PCNX2: variants seen among roughly 807,000 people sequenced by gnomAD.
PCNX2 encodes the protein pecanex 2, also known as pecanex-like protein 2.
In PCNX2, 168 loss-of-function variants were observed where a neutral mutation model predicts 223.8. The observed-to-expected ratio is 0.75, with a 90% CI of 0.66 to 0.85. PCNX2 has a LOEUF of 0.85. PCNX2 is among the 40% of genes least tolerant of loss of function. The pLI, the probability that PCNX2 is intolerant of heterozygous loss-of-function variation, is 0.00. For synonymous variants in PCNX2, 1,006 were observed against 1,052.6 expected (o/e 0.96, Z 0.86); for missense variants, 2,507 against 2,675.5 (o/e 0.94, Z 1.39).
At chr1:233,135,532 C>G (rs1238280373) in intron 20 of PCNX2, among the ~76,000 whole-genome samples, 1 of 152,192 alleles carries the variant, frequency 6.6e-6, no homozygotes, top group Non-Finnish European at 1.5e-5. Context: ...CACAGAGCTC[C>G]TTCTGAGCTT....
rs562291928 is a variant in PCNX2 at position 233,167,648 on chromosome 1, A to G, written c.3274-6285T>C. ...CACTATAGTAACCATTTTACTATCTATAGGTACCTCATGACATTGTGTTAT... is the reference window on the plus strand; with the variant it reads ...CACTATAGTAACCATTTTACTATCTGTAGGTACCTCATGACATTGTGTTAT... On this transcript the variant is annotated intron_variant, in intron 17 of 33. Coordinates refer to ENST00000258229, the MANE Select transcript of PCNX2 (RefSeq NM_014801.4). The G allele has an allele frequency of 8.5e-5, 63 of 742,382 alleles. No homozygotes were observed. The African/African-American group carries it at 1.1e-3, about 13-fold the overall frequency. The allele number at this position is 742,382 out of a possible 1,614,324, so 46.0% of individuals were successfully genotyped here. A position where few individuals can be genotyped will look rare whatever the true frequency, so the allele number is the denominator to read the frequency against.
At position 233,139,596 on chromosome 1, in the gene PCNX2, T is replaced by C; in HGVS notation, c.3659+118A>G. 2 of 1,238,972 alleles carry C rather than the reference T, an allele frequency of 1.6e-6. No homozygotes were observed. The highest frequency in any genetic ancestry group is 2.6e-5 in the East Asian group (1 of 39,168). The allele number at this position is 1,238,972 out of a possible 1,614,324, so 76.7% of individuals were successfully genotyped here. ...GTAAAAGACCACCATGGCTTATTTT[T>C]ACATGGCCAATCACAGTCGGTAAAG... is the stretch of plus-strand genomic sequence containing the variant. On this transcript the variant is annotated intron_variant, in intron 20 of 33. Transcript: ENST00000258229. This position sits in a 1 kb window ranked among gnomAD's most constrained non-coding sequence, Gnocchi z 4.4.
In PCNX2 at chr1:233,218,045, A is replaced by G. The variant is rs753475133; in HGVS notation, c.2644T>C (p.Tyr882His). 4 of 1,607,230 alleles carry G rather than the reference A, an allele frequency of 2.5e-6. No individual in the cohort carries two copies. The highest frequency in any genetic ancestry group is 3.4e-6 in the Non-Finnish European group (4 of 1,176,824). The change falls in exon 11 of 34, where the codon TAC becomes CAC. Residue 882 changes from tyrosine to histidine, a missense_variant. Physicochemically the swap from Tyr to His is moderately conservative, Grantham distance 83. Transcript: ENST00000258229. ...LFCLVMASCQ[Y>H]SLLKSVQPDP... is the part of the protein sequence containing the mutation. ...TGTGGTCTTGCCTTTAGCAGGGAGT[A>G]CTGGCAGCTGGCCATGACGAGGCAG...
chr1:232,988,338 A>G (rs1466325565), intron 32 of PCNX2, among the ~76,000 whole-genome samples: 1 of 152,124 alleles, frequency 6.6e-6, no homozygotes, highest in East Asian at 1.9e-4. Context: ...CTGTGTGTCA[A>G]AGGGAAGTGG....
At chr1:232,986,844 G>A (rs1281572101) in intron 32 of PCNX2, among the ~76,000 whole-genome samples, 3 of 152,220 alleles carry the variant, frequency 2.0e-5, no homozygotes, top group African/African-American at 4.8e-5. Flanking sequence ...GACATTCCTG[G>A]TTCTAGCACT....
the PCNX2 span, among the ~76,000 whole-genome samples, chr1:233,324,241 A>T: frequency 6.6e-6 from 1 of 152,236 alleles, no homozygotes; most frequent in Admixed American, 6.5e-5. Flanking sequence ...GTGAAGCAGC[A>T]AGTGCTAATG....
At chr1:233,106,347 CTTTTTTTTTT>C (rs912803573) in intron 21 of PCNX2, among the ~76,000 whole-genome samples, 6 of 115,684 alleles carry the variant, frequency 5.2e-5, no homozygotes, top group African/African-American at 1.7e-4. Flanking sequence ...TCTCCTCCCT[CTTTTTTTTTT>C]TTTTTTTTTT....
chr1:233,227,371 G>A lies in PCNX2; in HGVS notation c.2359C>T (p.His787Tyr). 6.2e-7 allele frequency: 1 copy of A among 1,610,240 alleles called. No individual in the cohort carries two copies. Among genetic ancestry groups the A allele is most frequent in the Non-Finnish European group, 8.5e-7 (1 of 1,178,594 alleles). The change falls in exon 10 of 34, where the codon CAT (histidine) becomes TAT (tyrosine). Residue 787 changes from histidine to tyrosine, a missense_variant and splice_region_variant. By Grantham distance (83) the His-to-Tyr change is moderately conservative. This residue lies in a region of PCNX2 where 1,031 missense variants were observed against 1,021.7 expected (regional missense o/e 1.01). Transcript: ENST00000258229. ...GAGGCTTCCAGATCCTGACTCACAT[G>A]CTTTTAGATACCAAAAGAAACAACA... ...ARRTQSETPR[H>Y]VSQDLEASSC...
intron 15 of PCNX2, among the ~76,000 whole-genome samples, chr1:233,194,358 G>T (rs1680596150): frequency 6.7e-6 from 1 of 150,236 alleles, no homozygotes; most frequent in South Asian, 2.1e-4. Flanking sequence ...GAAAGTTTAT[G>T]ACTAGCAGAC....
intron 28 of PCNX2, among the ~76,000 whole-genome samples, chr1:233,007,837 G>A (rs1310907027): frequency 2.0e-5 from 3 of 151,506 alleles, no homozygotes; most frequent in East Asian, 3.9e-4. Flanking sequence ...CACCATGCCC[G>A]GCTATTTTTT....
intron 23 of PCNX2, among the ~76,000 whole-genome samples, chr1:233,075,696 A>AAC (rs369431993): frequency 0.083 from 11,386 of 137,156 alleles, 447 homozygotes; most frequent in African/African-American, 0.11. Flanking sequence ...GTTAGCTTAA[A>AAC]ACACACACAC....
chr1:233,038,235 TAAG>T (rs1671525319), intron 25 of PCNX2, among the ~76,000 whole-genome samples: 1 of 152,166 alleles, frequency 6.6e-6, no homozygotes, highest in African/African-American at 2.4e-5. Flanking sequence ...TTTAGAAGCA[TAAG>T]AATAAGAAAT....
intron 17 of PCNX2, among the ~76,000 whole-genome samples, chr1:233,168,046 ATC>A (rs1247533779): frequency 2.0e-5 from 3 of 152,148 alleles, no homozygotes; most frequent in Non-Finnish European, 4.4e-5. Flanking sequence ...GAGTTTAAGT[ATC>A]TGTTTCCTTT....
At chr1:232,996,457 G>A (rs369843256) in intron 32 of PCNX2, among the ~76,000 whole-genome samples, 104 of 151,266 alleles carry the variant, frequency 6.9e-4, no homozygotes, top group African/African-American at 2.3e-3. Flanking sequence ...GGAGGCCTGG[G>A]AGCTGCATGG....
chr1:233,212,176 T>C (rs1408883615), intron 12 of PCNX2, among the ~76,000 whole-genome samples: 2 of 152,300 alleles, frequency 1.3e-5, no homozygotes, highest in South Asian at 2.1e-4. Flanking sequence ...TCCCCTTGTA[T>C]GTGGAGCAAG....
chr1:233,194,197 G>A (rs186747970), intron 15 of PCNX2, among the ~76,000 whole-genome samples: 22 of 151,900 alleles, frequency 1.4e-4, no homozygotes, highest in Non-Finnish European at 2.6e-4. Context: ...TTGGAATAAC[G>A]GCAGATTTTT....
At chr1:233,020,336 C>T (rs1670835351) in intron 26 of PCNX2, among the ~76,000 whole-genome samples, 1 of 152,222 alleles carries the variant, frequency 6.6e-6, no homozygotes, top group African/African-American at 2.4e-5. Flanking sequence ...ACTTCTGTCA[C>T]GGAGACACAG....
intron 24 of PCNX2, among the ~76,000 whole-genome samples, chr1:233,055,246 T>C (rs1672150184): frequency 6.6e-6 from 1 of 152,206 alleles, no homozygotes; most frequent in Admixed American, 6.5e-5. Flanking sequence ...CCAGCAGTGA[T>C]TGAGAGCTCT....
At chr1:233,059,435 G>A (rs547297867) in intron 23 of PCNX2, among the ~76,000 whole-genome samples, 8 of 152,224 alleles carry the variant, frequency 5.3e-5, no homozygotes, top group African/African-American at 7.2e-5. Context: ...TTCTCACGGC[G>A]GATGAGGCAG....
Sources: gnomAD v4.1 joint callset for allele counts (sites outside exome capture counted in the v4.1 genomes callset) on GRCh38, gnomAD v4.1.1 for gene constraint, gnomAD v4.1.1 regional missense constraint, Gnocchi (gnomAD v3.1) non-coding constraint, MANE v1.5 for transcripts, NCBI Gene and HGNC (gene_info 2026-07-23, HGNC 2026-07-21) for gene names.